The following RALGPS2 variants were observed in gnomAD, a reference collection of about 807,000 sequenced individuals.
RALGPS2 encodes the protein ras-specific guanine nucleotide-releasing factor RalGPS2.
In RALGPS2, 43 loss-of-function variants were observed where a neutral mutation model predicts 86.8. The observed-to-expected ratio is 0.50, with a 90% CI of 0.39 to 0.64. RALGPS2 has a LOEUF of 0.64. RALGPS2 is among the 30% of genes least tolerant of loss of function. The pLI is 0.00. For synonymous variants in RALGPS2, 243 were observed against 231.3 expected (o/e 1.05, Z -0.46); for missense variants, 536 against 694.6 (o/e 0.77, Z 2.57).
At chr1:178,775,045 G>A (rs1653008672) in intron 1 of RALGPS2, among the ~76,000 whole-genome samples, 1 of 152,120 alleles carries the variant, frequency 6.6e-6, no homozygotes, top group Non-Finnish European at 1.5e-5. Flanking sequence ...TTATTTAAGA[G>A]ACTCTGTTGA....
chr1:178,745,811 A>G (rs1002033099), intron 1 of RALGPS2, among the ~76,000 whole-genome samples: 4 of 149,960 alleles, frequency 2.7e-5, no homozygotes, highest in African/African-American at 9.9e-5. Context: ...TCAAAAGAGA[A>G]TTCAATTCTT....
chr1:178,791,931 C>A (rs879683265), intron 4 of RALGPS2, among the ~76,000 whole-genome samples: 20 of 152,294 alleles, frequency 1.3e-4, no homozygotes, highest in Middle Eastern at 3.4e-3. Context: ...ACTGTAGAAA[C>A]TGTCTTATCT....
At chr1:178,794,855 A>G (rs891544345) in intron 4 of RALGPS2, among the ~76,000 whole-genome samples, 1 of 152,180 alleles carries the variant, frequency 6.6e-6, no homozygotes, top group African/African-American at 2.4e-5. Flanking sequence ...GTGACAGGAT[A>G]TATCTGAAAG....
chr1:178,808,921 C>G (rs1383376299), intron 5 of RALGPS2, among the ~76,000 whole-genome samples: 1 of 151,956 alleles, frequency 6.6e-6, no homozygotes, highest in Non-Finnish European at 1.5e-5. Flanking sequence ...AGCTGGAGTA[C>G]AGTGCTGCAG....
chr1:178,863,221 GTAGAATTCAGTGGA>G (rs1658154756), intron 8 of RALGPS2, among the ~76,000 whole-genome samples: 5 of 152,156 alleles, frequency 3.3e-5, no homozygotes, highest in Admixed American at 2.6e-4. Flanking sequence ...GGGGACATGA[GTAGAATTCAGTGGA>G]CTGTGTATGG....
intron 1 of RALGPS2, among the ~76,000 whole-genome samples, chr1:178,730,437 G>C (rs911775534): frequency 6.6e-6 from 1 of 151,978 alleles, no homozygotes; most frequent in Admixed American, 6.5e-5. Flanking sequence ...GTTTACAGTG[G>C]AACCTTACAG....
rs143247341 is a variant in RALGPS2 at position 178,864,974 on chromosome 1, G to A, written c.608-12524G>A. On this transcript the variant is annotated intron_variant, in intron 8 of 19. Transcript: ENST00000367635. Reference sequence around the variant, plus strand: ...CTCACCTTCATTGATGAAAGTTACCGGTGGTATCTTGAAAGGGCTTTTGGT... The same window carrying A: ...CTCACCTTCATTGATGAAAGTTACCAGTGGTATCTTGAAAGGGCTTTTGGT... The A allele has an allele frequency of 1.7e-5, 24 of 1,452,542 alleles. No individual in the cohort carries two copies. The African/African-American group carries it at 2.3e-4, about 14-fold the overall frequency. The allele number at this position is 1,452,542 out of a possible 1,614,324, so 90.0% of individuals were successfully genotyped here. A position where few individuals can be genotyped will look rare whatever the true frequency, so the allele number is the denominator to read the frequency against.
intron 8 of RALGPS2, among the ~76,000 whole-genome samples, chr1:178,835,299 C>A (rs1471189233): frequency 6.6e-6 from 1 of 152,060 alleles, no homozygotes; most frequent in Non-Finnish European, 1.5e-5. Flanking sequence ...CTTCTTTGAG[C>A]CTTGTTCTCT....
chr1:178,892,346 T>A, intron 15 of RALGPS2, 39 bp downstream of exon 15: 1 of 1,562,740 alleles, frequency 6.4e-7, no homozygotes. Context: ...AGAACTCCCT[T>A]ATGGTGTTGG....
intron 6 of RALGPS2, 127 bp downstream of exon 6, chr1:178,811,531 C>G: frequency 1.5e-6 from 1 of 660,250 alleles, no homozygotes; most frequent in Non-Finnish European, 2.5e-6. Flanking sequence ...TGATATAAGT[C>G]AATTTTTAAA....
chr1:178,882,444 C>T (rs116223777), intron 10 of RALGPS2, among the ~76,000 whole-genome samples: 1 of 152,210 alleles, frequency 6.6e-6, no homozygotes, highest in Non-Finnish European at 1.5e-5. Flanking sequence ...TAAACATCTT[C>T]ATAAAAAGAA....
Position 178,919,732 on chromosome 1 carries a change from T to C in RALGPS2, c.*3373T>C, listed in dbSNP as rs986585231. ...GGGTTCCATCCATTAGCTTTTTAAA[T>C]GAATAGATCTGGTATTGATTTCCTT... On this transcript the variant is annotated 3_prime_UTR_variant, in exon 20 of 20. Coordinates refer to ENST00000367635, the MANE Select transcript of RALGPS2 (RefSeq NM_152663.5). The C allele has an allele frequency of 7.9e-5, 12 of 152,080 alleles. No individual in the cohort carries two copies. Among genetic ancestry groups the C allele is most frequent in the African/African-American group, 2.9e-4 (12 of 41,454 alleles). The allele number at this position is 152,080 out of a possible 1,614,324, so 9.4% of individuals were successfully genotyped here.
intron 8 of RALGPS2, among the ~76,000 whole-genome samples, chr1:178,848,096 G>A (rs1045605137): frequency 4.6e-5 from 7 of 151,958 alleles, no homozygotes; most frequent in African/African-American, 1.7e-4. Flanking sequence ...ATCACTTGAG[G>A]CCAGGAGTTT....
intron 1 of RALGPS2, among the ~76,000 whole-genome samples, chr1:178,758,733 A>T (rs1234800183): frequency 6.6e-6 from 1 of 152,154 alleles, no homozygotes; most frequent in African/African-American, 2.4e-5. Context: ...ACAGGATCTC[A>T]GTCTTTTTAT....
At chr1:178,856,343 T>C (rs2102307393) in intron 8 of RALGPS2, among the ~76,000 whole-genome samples, 1 of 137,896 alleles carries the variant, frequency 7.3e-6, no homozygotes. Flanking sequence ...TCCTCCCACC[T>C]CAGCCTCCCA....
At chr1:178,834,227 A>G (rs1473315289) in intron 8 of RALGPS2, among the ~76,000 whole-genome samples, 1 of 152,248 alleles carries the variant, frequency 6.6e-6, no homozygotes, top group Non-Finnish European at 1.5e-5. Flanking sequence ...AGGAAAATAC[A>G]TGATACATAC....
rs114027634 is a variant in RALGPS2, at chr1:178,877,294, A to G, written c.608-204A>G. Among the ~76,000 whole-genome samples the G allele has an allele frequency of 6.6e-3, 1,012 of 152,224 alleles. 7 individuals carry two copies. The highest frequency in any genetic ancestry group is 0.023 in the African/African-American group (937 of 41,552). ...ACAAAATAGCATATTATTACAAAAAATTGGTATATGTCTGACCCCAACTGT... is the reference window on the plus strand; with the variant it reads ...ACAAAATAGCATATTATTACAAAAAGTTGGTATATGTCTGACCCCAACTGT... On this transcript the variant is annotated intron_variant, in intron 8 of 19. Transcript: ENST00000367635.
At chr1:178,802,677 T>C (rs972861432) in intron 4 of RALGPS2, among the ~76,000 whole-genome samples, 9 of 152,210 alleles carry the variant, frequency 5.9e-5, no homozygotes, top group African/African-American at 2.2e-4. Flanking sequence ...TGTACTATGG[T>C]TAATTTTATG....
At chr1:178,862,625 ATTTATTTG>A (rs941747162) in intron 8 of RALGPS2, among the ~76,000 whole-genome samples, 1 of 148,166 alleles carries the variant, frequency 6.7e-6, no homozygotes, top group Non-Finnish European at 1.5e-5. Flanking sequence ...TTATTTATTT[ATTTATTTG>A]GTTGGTTGGT....
Sources: gnomAD v4.1 joint callset for allele counts (sites outside exome capture counted in the v4.1 genomes callset) on GRCh38, gnomAD v4.1.1 for gene constraint, MANE v1.5 for transcripts, NCBI Gene and HGNC (gene_info 2026-07-23, HGNC 2026-07-21) for gene names.